Variants in UGT1A7 observed in about 807,000 individuals in gnomAD.
UGT1A7 encodes UDP-glucuronosyltransferase 1A7.
In UGT1A7, 33 loss-of-function variants were observed where a neutral mutation model predicts 45.6. The observed-to-expected ratio is 0.72, with a 90% CI of 0.55 to 0.97. UGT1A7 has a LOEUF of 0.97. Among genes scored for constraint, UGT1A7 ranks in the 50% least tolerant of loss-of-function variants. UGT1A7 has a pLI of 0.00. For synonymous variants in UGT1A7, 274 were observed against 250.6 expected (o/e 1.09, Z -0.88); for missense variants, 684 against 666.2 (o/e 1.03, Z -0.29).
At chr2:233,727,757 G>T (rs561921755) in intron 1 of UGT1A7, among the ~76,000 whole-genome samples, 3 of 152,264 alleles carry the variant, frequency 2.0e-5, no homozygotes. Flanking sequence ...TGCTGCCCTT[G>T]AGCTGGGTGT....
intron 1 of UGT1A7, among the ~76,000 whole-genome samples, chr2:233,711,380 C>T (rs555882590): frequency 7.9e-5 from 12 of 152,364 alleles, no homozygotes; most frequent in Admixed American, 7.8e-4. Flanking sequence ...AGAGCACCCT[C>T]CCAGGTGTGT....
chr2:233,697,318 G>A (rs2075384581), intron 1 of UGT1A7, among the ~76,000 whole-genome samples: 1 of 152,016 alleles, frequency 6.6e-6, no homozygotes. Context: ...GATTGTTTGT[G>A]TTTGGAAATG....
At chr2:233,721,730 G>T (rs1364085120) in intron 1 of UGT1A7, 2 of 416,714 alleles carry the variant, frequency 4.8e-6, no homozygotes, top group South Asian at 3.7e-5. Flanking sequence ...ACTTGGATAA[G>T]CTTAATGATG....
intron 1 of UGT1A7, chr2:233,755,248 G>T: frequency 2.4e-6 from 2 of 834,922 alleles, no homozygotes; most frequent in Non-Finnish European, 3.6e-6. Flanking sequence ...GGTACTCCCA[G>T]CACCTCGTAG....
chr2:233,698,702 T>G (rs924104929), intron 1 of UGT1A7, among the ~76,000 whole-genome samples: 6 of 152,250 alleles, frequency 3.9e-5, no homozygotes, highest in Non-Finnish European at 8.8e-5. Flanking sequence ...AAAAAAAATG[T>G]GCAAAGCCTT....
chr2:233,755,370 G>C, intron 1 of UGT1A7: 2 of 359,040 alleles, frequency 5.6e-6, no homozygotes, highest in South Asian at 4.4e-5. Context: ...GCCGCCTGGA[G>C]GGCCGCCCCT....
intron 1 of UGT1A7, among the ~76,000 whole-genome samples, chr2:233,705,699 T>A (rs2075866580): frequency 6.6e-6 from 1 of 152,196 alleles, no homozygotes; most frequent in Admixed American, 6.5e-5. Context: ...GGTATAAAAA[T>A]TCACCAGTAT....
chr2:233,690,784 C>T (rs902652405), intron 1 of UGT1A7: 19 of 1,087,518 alleles, frequency 1.7e-5, no homozygotes, highest in Non-Finnish European at 2.1e-5. Flanking sequence ...CATACACACA[C>T]ACACACACAC....
chr2:233,727,875 C>T (rs1348465171), intron 1 of UGT1A7, among the ~76,000 whole-genome samples: 1 of 152,196 alleles, frequency 6.6e-6, no homozygotes, highest in Non-Finnish European at 1.5e-5. Flanking sequence ...CTCAGCCTCA[C>T]CAGCAATGGC....
At position 233,772,425 on chromosome 2, in the gene UGT1A7, G is replaced by A; in HGVS notation, c.1459G>A (p.Asp487Asn). The change falls in exon 5 of 5, where the codon GAC (aspartate) becomes AAC (asparagine). Residue 487 changes from aspartate (D) to asparagine (N), a missense_variant. By Grantham distance (23) the Asp-to-Asn change is conservative (BLOSUM62 1). Transcript: ENST00000373426. Reference protein sequence around the residue: ...DLTWYQYHSLDVIGFLLAVVL... With the variant: ...DLTWYQYHSLNVIGFLLAVVL... ...CACCTGGTACCAGTACCATTCCTTG[G>A]ACGTGATTGGTTTCCTCTTGGCCGT... 1.2e-6 allele frequency: 2 copies of A among 1,614,224 alleles called. No individual in the cohort carries two copies. Among genetic ancestry groups the A allele is most frequent in the Non-Finnish European group, 1.7e-6 (2 of 1,180,044 alleles).
chr2:233,705,497 CT>C (rs1357933630), intron 1 of UGT1A7, among the ~76,000 whole-genome samples: 2 of 151,954 alleles, frequency 1.3e-5, no homozygotes, highest in Non-Finnish European at 2.9e-5. Flanking sequence ...TAATAAATAC[CT>C]TTTTAAGAAT....
Position 233,768,423 on chromosome 2 carries a change from G to C in UGT1A7, c.1279G>C (p.Val427Leu). ...SEDLENALKAVINDKSYKENI... is the reference protein window; with the variant it reads ...SEDLENALKALINDKSYKENI... ...AGATTTAGAAAATGCTCTAAAAGCAGTCATCAATGACAAAAGGTAAGAAAG... is the reference window on the plus strand; with the variant it reads ...AGATTTAGAAAATGCTCTAAAAGCACTCATCAATGACAAAAGGTAAGAAAG... The change falls in exon 4 of 5, where the codon GTC becomes CTC. Residue 427 changes from valine to leucine, a missense_variant. By Grantham distance (32) the Val-to-Leu change is conservative. Coordinates refer to ENST00000373426, the MANE Select transcript of UGT1A7 (RefSeq NM_019077.3). 6.2e-7 allele frequency: 1 copy of C among 1,614,098 alleles called. No individual in the cohort carries two copies. Among genetic ancestry groups the C allele is most frequent in the South Asian group, 1.1e-5 (1 of 91,060 alleles).
chr2:233,693,402 G>A, intron 1 of UGT1A7: 1 of 1,614,140 alleles, frequency 6.2e-7, no homozygotes, highest in Non-Finnish European at 8.5e-7. Context: ...CTGCAGGACA[G>A]GGACACCCTG....
At chr2:233,753,255 C>T (rs1695165382) in intron 1 of UGT1A7, 1 of 152,170 alleles carries the variant, frequency 6.6e-6, no homozygotes, top group Non-Finnish European at 1.5e-5. Context: ...AAGCAACTAC[C>T]CAGGCACCTT....
intron 1 of UGT1A7, chr2:233,722,151 A>G (rs1415241636): frequency 2.5e-5 from 4 of 162,020 alleles, no homozygotes; most frequent in African/African-American, 9.6e-5. Flanking sequence ...CTGCAGGACA[A>G]GATGTGTCAC....
chr2:233,725,380 C>A (rs2077441850), intron 1 of UGT1A7, among the ~76,000 whole-genome samples: 1 of 149,278 alleles, frequency 6.7e-6, no homozygotes, highest in East Asian at 1.9e-4. Context: ...TTAAAAAATT[C>A]TTAATAGGTT....
chr2:233,724,954 C>G lies in UGT1A7; in HGVS notation c.856-42080C>G, dbSNP rs544768388. ...GACTCCGTCTGCAATCCCGGCACCT[C>G]GGGAGGCCGAGGTTGGCGGATCACT... On this transcript the variant is annotated intron_variant, in intron 1 of 4. Coordinates refer to ENST00000373426, the MANE Select transcript of UGT1A7 (RefSeq NM_019077.3). 1.4e-5 allele frequency among the ~76,000 whole-genome samples: 2 copies of G among 143,932 alleles called. 1 individual carries two copies. Among genetic ancestry groups the G allele is most frequent in the East Asian group, 4.2e-4 (2 of 4,760 alleles). 94.4% of individuals were successfully genotyped at this position (143,932 alleles called of 152,430 possible).
Position 233,767,047 on chromosome 2 carries a change from A to G in UGT1A7, c.869A>G (p.Tyr290Cys). Residue 290 changes from tyrosine to cysteine, a missense_variant, in exon 2 of 5, where the codon TAC (tyrosine) becomes TGC (cysteine). Physicochemically the swap from Tyr to Cys is radical, Grantham distance 194. Coordinates refer to ENST00000373426, the MANE Select transcript of UGT1A7 (RefSeq NM_019077.3). The stretch of plus-strand genomic sequence containing the variant: ...TTCTGGCTCTAGGAATTTGAAGCCT[A>G]CATTAATGCTTCTGGAGAACATGGA... Reference protein sequence around the residue: ...GKPVPMEFEAYINASGEHGIV... With the variant: ...GKPVPMEFEACINASGEHGIV... The G allele has an allele frequency of 6.2e-7, 1 of 1,614,154 alleles. No homozygotes were observed. The highest frequency in any genetic ancestry group is 8.5e-7 in the Non-Finnish European group (1 of 1,180,014).
At chr2:233,690,901 A>G (rs2075020381) in intron 1 of UGT1A7, 2 of 1,032,262 alleles carry the variant, frequency 1.9e-6, no homozygotes, top group Non-Finnish European at 2.3e-6. Context: ...TGGTATGCAT[A>G]GTGATGTTAG....
Sources: gnomAD v4.1 joint callset for allele counts (sites outside exome capture counted in the v4.1 genomes callset) on GRCh38, gnomAD v4.1.1 for gene constraint, MANE v1.5 for transcripts, NCBI Gene and HGNC (gene_info 2026-07-23, HGNC 2026-07-21) for gene names.